Variants in ZNF264 observed in about 807,000 individuals in gnomAD.
The protein encoded by ZNF264 is zinc finger protein 264.
Under a neutral mutation model 11.2 loss-of-function variants are expected in ZNF264, and 11 were observed. That is an observed-to-expected ratio of 0.98 (90% CI 0.62 to 1.63). The LOEUF (loss-of-function observed/expected upper bound fraction) is 1.63, where lower values mean the gene tolerates loss of function less well. Among genes scored for constraint, ZNF264 ranks in the 40% most tolerant of loss-of-function variants. The probability of loss-of-function intolerance (pLI) is 0.00; values close to 1 mark genes in which losing one functional copy is unlikely to be tolerated. For synonymous variants in ZNF264, 309 were observed against 279.8 expected (o/e 1.10, Z -1.04); for missense variants, 752 against 768.1 (o/e 0.98, Z 0.25).
intron 2 of ZNF264, among the ~76,000 whole-genome samples, chr19:57,202,908 T>G (rs1262632723): frequency 6.7e-6 from 1 of 149,416 alleles, no homozygotes; most frequent in Non-Finnish European, 1.5e-5. Flanking sequence ...GGCAGTCTTG[T>G]GGACTCAGCC....
At chr19:57,199,588 A>G (rs1245671895) in intron 2 of ZNF264, among the ~76,000 whole-genome samples, 2 of 151,930 alleles carry the variant, frequency 1.3e-5, no homozygotes, top group Admixed American at 6.5e-5. Context: ...GCCCAAATCA[A>G]TAAATTCAGC....
Position 57,212,065 on chromosome 19 carries a change from T to C in ZNF264, c.968T>C (p.Val323Ala). Residue 323 changes from valine (V) to alanine (A), a missense_variant, in exon 4 of 4, where the codon GTC becomes GCC. Coordinates refer to ENST00000263095, the MANE Select transcript of ZNF264 (RefSeq NM_003417.5). ...KSFVCTECGQVFRHRPGFLRH... is the reference protein window; with the variant it reads ...KSFVCTECGQAFRHRPGFLRH... ...TTTGTGTGCACAGAATGTGGCCAAG[T>C]CTTTCGACATAGGCCAGGCTTTCTC... The C allele has an allele frequency of 6.2e-7, 1 of 1,613,396 alleles. No individual in the cohort carries two copies. The highest frequency in any genetic ancestry group is 8.5e-7 in the Non-Finnish European group (1 of 1,179,842).
intron 2 of ZNF264, among the ~76,000 whole-genome samples, chr19:57,202,768 G>GT (rs1163597976): frequency 2.0e-5 from 3 of 151,918 alleles, no homozygotes; most frequent in Admixed American, 6.5e-5. Flanking sequence ...AAACATGAGT[G>GT]TTTCCTTGAG....
Position 57,216,587 on chromosome 19 carries a change from TTAA to T in ZNF264, c.*3608_*3610del, listed in dbSNP as rs1388213112. On this transcript the variant is annotated 3_prime_UTR_variant, in exon 4 of 4. Coordinates refer to ENST00000263095, the MANE Select transcript of ZNF264 (RefSeq NM_003417.5). ...TCATAGTGACTCCTGCATATTTTGA[TTAA>T]TGTTTGCATGGTTAATATTTCTTCA... The T allele has an allele frequency of 6.6e-6, 1 of 152,242 alleles. No individual in the cohort carries two copies. The highest frequency in any genetic ancestry group is 2.4e-5 in the African/African-American group (1 of 41,466). 9.4% of individuals were successfully genotyped at this position (152,242 alleles called of 1,614,324 possible). A position where few individuals can be genotyped will look rare whatever the true frequency, so the allele number is the denominator to read the frequency against.
intron 3 of ZNF264, among the ~76,000 whole-genome samples, chr19:57,210,379 C>T (rs2087325783): frequency 6.6e-6 from 1 of 152,208 alleles, no homozygotes; most frequent in African/African-American, 2.4e-5. Flanking sequence ...GTCAGGTTCA[C>T]TAATTAGCTT....
chr19:57,200,523 T>G (rs945106138), intron 2 of ZNF264, among the ~76,000 whole-genome samples: 7 of 140,144 alleles, frequency 5.0e-5, no homozygotes, highest in Admixed American at 1.4e-4. Context: ...TCTTGTCTTT[T>G]TCTTTGTCTT....
chr19:57,202,850 TAGTC>T lies in ZNF264; in HGVS notation c.161-2544_161-2541del, dbSNP rs1394259800. Among the ~76,000 whole-genome samples, 4 of 150,438 alleles carry T rather than the reference TAGTC, an allele frequency of 2.7e-5. 1 individual carries two copies. Among genetic ancestry groups the T allele is most frequent in the African/African-American group, 7.5e-5 (3 of 39,858 alleles). On this transcript the variant is annotated intron_variant, in intron 2 of 3. Coordinates refer to ENST00000263095, the MANE Select transcript of ZNF264 (RefSeq NM_003417.5). ...GCGGGAACCCCAACTCAAAGCCCAT[TAGTC>T]AGACATTTTGGAGGCCTGGACTTGT... is the stretch of plus-strand genomic sequence containing the variant.
intron 2 of ZNF264, among the ~76,000 whole-genome samples, chr19:57,200,892 G>A (rs186478536): frequency 2.6e-5 from 4 of 151,954 alleles, no homozygotes; most frequent in South Asian, 2.1e-4. Context: ...GATTACAGGC[G>A]TGAGCCACCA....
At position 57,213,486 on chromosome 19, in the gene ZNF264, A is replaced by T. The variant is rs1157507201; in HGVS notation, c.*505A>T. ...TTGAGCCATGAAATACTCACGTTTA[A>T]GTCAGTAAGGATACACATGTTAACA... On this transcript the variant is annotated 3_prime_UTR_variant, in exon 4 of 4. Coordinates refer to ENST00000263095, the MANE Select transcript of ZNF264 (RefSeq NM_003417.5). 1 of 154,178 alleles carries T rather than the reference A, an allele frequency of 6.5e-6. No individual in the cohort carries two copies. Among genetic ancestry groups the T allele is most frequent in the Non-Finnish European group, 1.4e-5 (1 of 69,336 alleles). 9.6% of individuals were successfully genotyped at this position (154,178 alleles called of 1,614,324 possible). A position where few individuals can be genotyped will look rare whatever the true frequency, so the allele number is the denominator to read the frequency against.
Position 57,213,092 on chromosome 19 carries a change from G to A in ZNF264, c.*111G>A. 1 of 1,091,448 alleles carries A rather than the reference G, an allele frequency of 9.2e-7. No individual in the cohort carries two copies. The highest frequency in any genetic ancestry group is 1.3e-6 in the Non-Finnish European group (1 of 775,360). 67.6% of individuals were successfully genotyped at this position (1,091,448 alleles called of 1,614,324 possible). ...ATAATTTATCCTGGAGAGAGACCCA[G>A]TGGTTATTGTGCACATAGGAGAACC... On this transcript the variant is annotated 3_prime_UTR_variant, in exon 4 of 4. Coordinates refer to ENST00000263095, the MANE Select transcript of ZNF264 (RefSeq NM_003417.5).
At chr19:57,199,008 A>C (rs1460183046) in intron 2 of ZNF264, among the ~76,000 whole-genome samples, 1 of 151,890 alleles carries the variant, frequency 6.6e-6, no homozygotes, top group Non-Finnish European at 1.5e-5. Flanking sequence ...ATATAAATTA[A>C]ATAGGATTGC....
At chr19:57,204,347 T>G (rs900029741) in intron 2 of ZNF264, among the ~76,000 whole-genome samples, 2 of 152,238 alleles carry the variant, frequency 1.3e-5, no homozygotes, top group African/African-American at 4.8e-5. Flanking sequence ...TAAAGGGTTA[T>G]TGATAGGGTT....
At chr19:57,199,695 C>T (rs2087236952) in intron 2 of ZNF264, among the ~76,000 whole-genome samples, 2 of 151,990 alleles carry the variant, frequency 1.3e-5, no homozygotes, top group Admixed American at 6.5e-5. Flanking sequence ...AATTAGAAAA[C>T]TCAATTCAAG....
intron 2 of ZNF264, among the ~76,000 whole-genome samples, 160 bp from the exon 3 acceptor site, chr19:57,205,237 G>C (rs1379541316): frequency 6.6e-6 from 1 of 152,082 alleles, no homozygotes; most frequent in African/African-American, 2.4e-5. Context: ...TGTAATTATG[G>C]AAACCTTGGT....
In ZNF264 at chr19:57,212,496, C is replaced by A. The variant is rs918246748; in HGVS notation, c.1399C>A (p.Arg467=). ...AGAGTGTGGGAAAGCCTTTAGCAAT[C>A]GGAAGGACCTCATTCGCCACTTCAG... The part of the protein sequence containing the change: ...CKECGKAFSN[R]KDLIRHFSIH... Residue 467 remains arginine, a synonymous_variant, in exon 4 of 4, where the codon CGG becomes AGG. Transcript: ENST00000263095. 3.1e-6 allele frequency: 5 copies of A among 1,610,922 alleles called. No individual in the cohort carries two copies. The highest frequency in any genetic ancestry group is 4.5e-5 in the East Asian group (2 of 44,644).
chr19:57,191,992 G>T, intron 1 of ZNF264, 46 bp downstream of exon 1: 1 of 1,492,416 alleles, frequency 6.7e-7, no homozygotes, highest in Non-Finnish European at 8.9e-7. Flanking sequence ...TGCCAGCGCT[G>T]AGGCGGTTTC....
rs748160491 is a variant in ZNF264 at position 57,193,876 on chromosome 19, T to C, written c.35T>C (p.Val12Ala). The C allele has an allele frequency of 1.2e-6, 2 of 1,614,092 alleles. No homozygotes were observed. Among genetic ancestry groups the C allele is most frequent in the East Asian group, 2.2e-5 (1 of 44,856 alleles). The change falls in exon 2 of 4, where the codon GTG becomes GCG. Residue 12 changes from valine (V) to alanine (A), a missense_variant and splice_region_variant. By Grantham distance (64) the Val-to-Ala change is moderately conservative. Transcript: ENST00000263095. ...AAAVLTDRAQ[V>A]SVTFDDVAVT... ...TACTAATTCTGTTTGACTTTCCAGG[T>C]GTCTGTGACCTTTGATGATGTGGCT...
At position 57,215,456 on chromosome 19, in the gene ZNF264, A is replaced by G. The variant is rs540378994; in HGVS notation, c.*2475A>G. On this transcript the variant is annotated 3_prime_UTR_variant, in exon 4 of 4. Transcript: ENST00000263095. ...GTTTTATTGCGCATCATGCTGAAAG[A>G]TGTAATTTTTGCTTCATCTCTCACT... 6.6e-6 allele frequency: 1 copy of G among 152,102 alleles called. No homozygotes were observed. Among genetic ancestry groups the G allele is most frequent in the Non-Finnish European group, 1.5e-5 (1 of 68,018 alleles). The allele number at this position is 152,102 out of a possible 1,614,324, so 9.4% of individuals were successfully genotyped here. A position where few individuals can be genotyped will look rare whatever the true frequency, so the allele number is the denominator to read the frequency against.
intron 1 of ZNF264, chr19:57,192,271 A>G (rs984684626): frequency 2.6e-5 from 24 of 931,174 alleles, no homozygotes; most frequent in Non-Finnish European, 3.1e-5. Context: ...GGCAGTAGCA[A>G]GCCGACAAAT....
Sources: gnomAD v4.1 joint callset for allele counts (sites outside exome capture counted in the v4.1 genomes callset) on GRCh38, gnomAD v4.1.1 for gene constraint, MANE v1.5 for transcripts, NCBI Gene and HGNC (gene_info 2026-07-23, HGNC 2026-07-21) for gene names.